Variants in PRKCB observed in about 807,000 individuals in gnomAD.
The protein encoded by PRKCB is protein kinase C beta, also known as protein kinase C beta type.
Under a neutral mutation model 81.5 loss-of-function variants are expected in PRKCB, and 13 were observed. The ratio of observed to expected loss-of-function variants is 0.16; its 90% CI spans 0.10 to 0.25. The LOEUF (loss-of-function observed/expected upper bound fraction) is 0.25. Among genes scored for constraint, PRKCB ranks in the 10% least tolerant of loss-of-function variants. The pLI is 1.00. For synonymous variants in PRKCB, 335 were observed against 321.4 expected, an observed-to-expected ratio of 1.04 and a Z score of -0.45; for missense variants, 509 against 875.7, an observed-to-expected ratio of 0.58 and a Z score of 5.29.
intron 5 of PRKCB, among the ~76,000 whole-genome samples, chr16:24,045,982 G>T (rs1378039989): frequency 6.6e-6 from 1 of 152,228 alleles, no homozygotes; most frequent in Non-Finnish European, 1.5e-5. Flanking sequence ...TGTCAGTCCC[G>T]CCAGGGCTGG....
At chr16:24,167,113 C>T (rs946968898) in intron 10 of PRKCB, among the ~76,000 whole-genome samples, 7 of 149,668 alleles carry the variant, frequency 4.7e-5, no homozygotes, top group African/African-American at 1.7e-4. Flanking sequence ...GCAGCAAAGA[C>T]AGATGCTATT....
chr16:24,074,813 G>A (rs182246071), intron 5 of PRKCB, among the ~76,000 whole-genome samples: 1 of 152,294 alleles, frequency 6.6e-6, no homozygotes, highest in Admixed American at 6.5e-5. Context: ...CACTAGCCAC[G>A]TGGGGCTGTT....
intron 2 of PRKCB, among the ~76,000 whole-genome samples, chr16:23,871,579 ATCTTT>A (rs1597219270): frequency 6.6e-6 from 1 of 150,938 alleles, no homozygotes; most frequent in African/African-American, 2.4e-5. Flanking sequence ...TGTTTTTTTT[ATCTTT>A]TCTTTTTTTT....
intron 16 of PRKCB, among the ~76,000 whole-genome samples, chr16:24,196,972 C>A (rs1967889088): frequency 1.3e-5 from 2 of 152,164 alleles, no homozygotes; most frequent in African/African-American, 4.8e-5. Flanking sequence ...TACTAAAGGG[C>A]AGACTCTGTC....
intron 3 of PRKCB, among the ~76,000 whole-genome samples, chr16:24,031,315 G>GACAAAA (rs2141854118): frequency 6.6e-6 from 1 of 152,336 alleles, no homozygotes; most frequent in Non-Finnish European, 1.5e-5. Flanking sequence ...TTCAAGGCTG[G>GACAAAA]TAGGGTGGCT....
intron 2 of PRKCB, among the ~76,000 whole-genome samples, chr16:23,946,743 C>T (rs1467894391): frequency 2.0e-5 from 3 of 152,154 alleles, no homozygotes; most frequent in African/African-American, 4.8e-5. Flanking sequence ...GGTTGTGATC[C>T]AGTAGGTCTG....
chr16:23,882,016 T>TCC lies in PRKCB; in HGVS notation c.205+44610_205+44611insCC, dbSNP rs1567301084. On this transcript the variant is annotated intron_variant, in intron 2 of 16. Coordinates refer to ENST00000643927, the MANE Select transcript of PRKCB (RefSeq NM_002738.7). The stretch of plus-strand genomic sequence containing the variant: ...TTTCTTTCTTTCTTTCTTTCTTTCT[T>TCC]TCTTTCTTCCTTCCTTCCTTCCTTC... 5.0e-3 allele frequency among the ~76,000 whole-genome samples: 470 copies of TCC among 93,804 alleles called. 7 individuals carry two copies. Among genetic ancestry groups the TCC allele is most frequent in the African/African-American group, 0.018 (417 of 23,540 alleles). 61.5% of individuals were successfully genotyped at this position (93,804 alleles called of 152,430 possible).
intron 11 of PRKCB, among the ~76,000 whole-genome samples, chr16:24,173,126 G>A (rs935546750): frequency 2.6e-5 from 4 of 152,060 alleles, no homozygotes; most frequent in African/African-American, 7.2e-5. Context: ...CACTCCATGG[G>A]GGTGAAGGAT....
In PRKCB at chr16:24,215,738, T is replaced by G; in HGVS notation, c.*922T>G. The G allele has an allele frequency of 6.1e-6, 6 of 985,802 alleles. No individual in the cohort carries two copies. The South Asian group carries it at 2.3e-4, about 39-fold the overall frequency. 61.1% of individuals were successfully genotyped at this position (985,802 alleles called of 1,614,324 possible). ...TTATTAACCACAATGACGACCTGCT[T>G]TGATTTAACCAAGAAGACGGCTGCG... On this transcript the variant is annotated 3_prime_UTR_variant, in exon 17 of 17. Coordinates refer to ENST00000643927, the MANE Select transcript of PRKCB (RefSeq NM_002738.7).
intron 2 of PRKCB, among the ~76,000 whole-genome samples, chr16:23,883,096 G>A (rs995692266): frequency 1.3e-5 from 2 of 151,954 alleles, no homozygotes; most frequent in Non-Finnish European, 2.9e-5. Context: ...GCTTACATAG[G>A]TCCCCACCCT....
chr16:24,035,342 G>A (rs539120597), intron 4 of PRKCB, 77 bp from the exon 5 acceptor site: 23 of 1,539,504 alleles, frequency 1.5e-5, no homozygotes, highest in African/African-American at 2.7e-5. Context: ...AGGGCTCAGC[G>A]GTCTTGGGTG....
chr16:23,850,820 G>C lies in PRKCB; in HGVS notation c.205+13414G>C, dbSNP rs537189094. On this transcript the variant is annotated intron_variant, in intron 2 of 16. Coordinates refer to ENST00000643927, the MANE Select transcript of PRKCB (RefSeq NM_002738.7). ...CTTTTTGATAAAAGCCATTCTAACAGGTGTGAGGTGATATCTCACTGTGGT... is the reference window on the plus strand; with the variant it reads ...CTTTTTGATAAAAGCCATTCTAACACGTGTGAGGTGATATCTCACTGTGGT... 3.9e-5 allele frequency among the ~76,000 whole-genome samples: 6 copies of C among 152,202 alleles called. No individual in the cohort carries two copies. The South Asian group carries it at 1.2e-3, about 32-fold the overall frequency.
chr16:24,105,210 C>T (rs992324650), intron 7 of PRKCB, among the ~76,000 whole-genome samples: 4 of 152,112 alleles, frequency 2.6e-5, no homozygotes, highest in Non-Finnish European at 4.4e-5. Context: ...GCATGGGCCA[C>T]CACACCCATC....
intron 2 of PRKCB, among the ~76,000 whole-genome samples, chr16:23,843,928 T>C (rs975905795): frequency 2.3e-4 from 35 of 152,172 alleles, no homozygotes; most frequent in Admixed American, 2.0e-4. Flanking sequence ...CTGCTTATCC[T>C]TCTGTCTCTG....
intron 2 of PRKCB, among the ~76,000 whole-genome samples, chr16:23,958,148 C>A (rs183998891): frequency 6.6e-6 from 1 of 151,600 alleles, no homozygotes; most frequent in Non-Finnish European, 1.5e-5. Flanking sequence ...TGTGCCACCA[C>A]GCCTGGCTAA....
At chr16:23,911,850 T>C (rs1251239122) in intron 2 of PRKCB, among the ~76,000 whole-genome samples, 1 of 94,242 alleles carries the variant, frequency 1.1e-5, no homozygotes, top group Non-Finnish European at 2.1e-5. Flanking sequence ...TTTTTTTTTT[T>C]GAGATGGAGT....
intron 2 of PRKCB, among the ~76,000 whole-genome samples, chr16:23,950,135 T>TTTTG (rs1964258692): frequency 7.5e-6 from 1 of 134,136 alleles, no homozygotes; most frequent in African/African-American, 3.1e-5. Flanking sequence ...GATTTGAATT[T>TTTTG]TTTTTTTTTT....
chr16:23,982,224 C>T (rs1356296126), intron 2 of PRKCB, among the ~76,000 whole-genome samples: 1 of 26,476 alleles, frequency 3.8e-5, no homozygotes, highest in East Asian at 1.2e-3. Context: ...TTCCCTTCGC[C>T]TTCCCTTCCC....
At chr16:24,196,018 A>G (rs915056731) in intron 16 of PRKCB, among the ~76,000 whole-genome samples, 2 of 152,174 alleles carry the variant, frequency 1.3e-5, no homozygotes, top group African/African-American at 4.8e-5. Flanking sequence ...TCATCAAATC[A>G]GTAGAACATC....
Sources: allele counts gnomAD v4.1 joint callset (sites outside exome capture counted in the v4.1 genomes callset), GRCh38; gene constraint gnomAD v4.1.1; transcripts MANE v1.5; gene names NCBI Gene and HGNC (gene_info 2026-07-23, HGNC 2026-07-21).